Variants in PDE1A observed in about 807,000 individuals in gnomAD.
The protein encoded by PDE1A is dual specificity calcium/calmodulin-dependent 3',5'-cyclic nucleotide phosphodiesterase 1A.
PDE1A carries 35 observed loss-of-function variants against 61.7 expected under a neutral mutation model. That is an observed-to-expected ratio of 0.57 (90% CI 0.43 to 0.75). PDE1A has a LOEUF of 0.75. Among genes scored for constraint, PDE1A ranks in the 30% least tolerant of loss-of-function variants. The probability of loss-of-function intolerance (pLI) is 0.00; values close to 1 mark genes in which losing one functional copy is unlikely to be tolerated. For synonymous variants in PDE1A, 232 were observed against 213.2 expected, an observed-to-expected ratio of 1.09 and a Z score of -0.77; for missense variants, 597 against 630.6, an observed-to-expected ratio of 0.95 and a Z score of 0.57.
At chr2:182,686,563 G>A in the PDE1A span, among the ~76,000 whole-genome samples, 1 of 152,204 alleles carries the variant, frequency 6.6e-6, no homozygotes, top group African/African-American at 2.4e-5. Flanking sequence ...TTCCAAGATG[G>A]CCGAATAGGA....
At chr2:182,404,448 A>T (rs1397933634) in intron 1 of PDE1A, among the ~76,000 whole-genome samples, 1 of 152,234 alleles carries the variant, frequency 6.6e-6, no homozygotes, top group African/African-American at 2.4e-5. Context: ...TGTTTTTTAA[A>T]TGTTTCTTTC....
At chr2:182,224,055 G>A in intron 6 of PDE1A, 91 bp from the exon 7 acceptor site, 1 of 740,714 alleles carries the variant, frequency 1.4e-6, no homozygotes. Context: ...CCCTGTTTAT[G>A]TAATCATATA....
intron 7 of PDE1A, among the ~76,000 whole-genome samples, chr2:182,215,122 C>T (rs1488517279): frequency 6.1e-4 from 31 of 50,830 alleles, no homozygotes; most frequent in African/African-American, 9.2e-4. Context: ...CACTCAAAAC[C>T]GCTCAACTAC....
At chr2:182,699,858 G>T in the PDE1A span, among the ~76,000 whole-genome samples, 1 of 152,150 alleles carries the variant, frequency 6.6e-6, no homozygotes, top group Non-Finnish European at 1.5e-5. Flanking sequence ...TTACAAAGAA[G>T]AAGACAAGAG....
At chr2:182,461,552 A>G (rs1686287718) in intron 2 of PDE1A, among the ~76,000 whole-genome samples, 1 of 152,162 alleles carries the variant, frequency 6.6e-6, no homozygotes, top group Admixed American at 6.6e-5. Context: ...CCAGAAACCA[A>G]TAATCCCTCA....
intron 2 of PDE1A, among the ~76,000 whole-genome samples, chr2:182,461,025 G>T (rs1375734740): frequency 6.6e-6 from 1 of 152,098 alleles, no homozygotes; most frequent in African/African-American, 2.4e-5. Context: ...TTTACTATTT[G>T]CCAAAGTTTT....
chr2:182,457,829 G>A (rs62189027), intron 2 of PDE1A, among the ~76,000 whole-genome samples: 27,738 of 151,962 alleles, frequency 0.18, 3,047 homozygotes, highest in Middle Eastern at 0.35. Context: ...TGGTAAAGGG[G>A]AGAAATTTAA....
At chr2:182,362,335 C>T (rs1197560340) in intron 1 of PDE1A, among the ~76,000 whole-genome samples, 4 of 151,660 alleles carry the variant, frequency 2.6e-5, no homozygotes, top group Admixed American at 6.6e-5. Context: ...TCAGCAGTAG[C>T]ACGGGAAAAA....
At chr2:182,583,468 C>G in the PDE1A span, among the ~76,000 whole-genome samples, 1 of 152,206 alleles carries the variant, frequency 6.6e-6, no homozygotes, top group African/African-American at 2.4e-5. Context: ...ATGCAATCAT[C>G]ATCATCCATG....
At chr2:182,322,706 T>G (rs1696774188) in intron 1 of PDE1A, among the ~76,000 whole-genome samples, 1 of 152,226 alleles carries the variant, frequency 6.6e-6, no homozygotes, top group Non-Finnish European at 1.5e-5. Flanking sequence ...TATTTTTATC[T>G]TGATGGGCTT....
chr2:182,450,556 T>TAA (rs36059127), intron 2 of PDE1A, among the ~76,000 whole-genome samples: 2,622 of 148,302 alleles, frequency 0.018, 41 homozygotes, highest in South Asian at 0.051. Context: ...AATGTTTTCA[T>TAA]AAAAAAAAAA....
the PDE1A span, among the ~76,000 whole-genome samples, chr2:182,697,619 C>G: frequency 6.6e-6 from 1 of 152,208 alleles, no homozygotes; most frequent in South Asian, 2.1e-4. Flanking sequence ...TTCTCTCAGG[C>G]CTGCCTGCTT....
At chr2:182,237,332 A>C (rs11674335) in intron 3 of PDE1A, among the ~76,000 whole-genome samples, 33,637 of 152,084 alleles carry the variant, frequency 0.22, 4,313 homozygotes, top group Middle Eastern at 0.36. Context: ...TCTCTACTAA[A>C]AATACAAAAA....
At chr2:182,512,281 A>T (rs780218756) in intron 2 of PDE1A, among the ~76,000 whole-genome samples, 1 of 152,042 alleles carries the variant, frequency 6.6e-6, no homozygotes, top group Non-Finnish European at 1.5e-5. Context: ...CCATAAAACA[A>T]AGTCATGGGC....
chr2:182,445,329 T>C (rs1685064112), intron 2 of PDE1A, among the ~76,000 whole-genome samples: 1 of 152,116 alleles, frequency 6.6e-6, no homozygotes, highest in Non-Finnish European at 1.5e-5. Context: ...AAAACAACAG[T>C]AAAACAAATC....
intron 2 of PDE1A, among the ~76,000 whole-genome samples, chr2:182,493,561 A>C (rs565907131): frequency 1.3e-5 from 2 of 152,316 alleles, no homozygotes; most frequent in Admixed American, 6.5e-5. Context: ...TTGACCCAGC[A>C]ATCCCATTAC....
At chr2:182,399,287 A>G (rs190754750) in intron 1 of PDE1A, among the ~76,000 whole-genome samples, 1 of 151,980 alleles carries the variant, frequency 6.6e-6, no homozygotes, top group African/African-American at 2.4e-5. Flanking sequence ...ATTTTGACAC[A>G]TGCATAGATT....
chr2:182,300,519 A>G (rs35219304), intron 1 of PDE1A, among the ~76,000 whole-genome samples: 243 of 152,304 alleles, frequency 1.6e-3, no homozygotes, highest in Non-Finnish European at 3.0e-3. Context: ...CTAGCCATCA[A>G]TTGTGCAGGG....
intron 2 of PDE1A, among the ~76,000 whole-genome samples, chr2:182,471,752 G>C (rs961439841): frequency 6.6e-6 from 1 of 151,654 alleles, no homozygotes; most frequent in Admixed American, 6.6e-5. Context: ...GGCTAAAAGA[G>C]TTTCATAAGA....
Sources: gnomAD v4.1 joint callset for allele counts (sites outside exome capture counted in the v4.1 genomes callset) on GRCh38, gnomAD v4.1.1 for gene constraint, MANE v1.5 for transcripts, NCBI Gene and HGNC (gene_info 2026-07-23, HGNC 2026-07-21) for gene names.